The following FZD6 variants were observed in gnomAD, a reference collection of about 807,000 sequenced individuals.
FZD6 encodes frizzled-6.
Under a neutral mutation model 61.4 loss-of-function variants are expected in FZD6, and 49 were observed. The observed-to-expected ratio is 0.80, with a 90% CI of 0.63 to 1.01. FZD6 has a LOEUF of 1.01. Ranked by LOEUF, FZD6 falls within the 50% of genes least tolerant of loss-of-function variation. FZD6 has a pLI of 0.00. For missense variants in FZD6, 724 were observed against 848.2 expected (o/e 0.85, Z 1.82); for synonymous variants, 265 against 292.2 (o/e 0.91, Z 0.95).
intron 3 of FZD6, among the ~76,000 whole-genome samples, chr8:103,320,481 G>C (rs1814752979): frequency 1.3e-5 from 2 of 152,080 alleles, no homozygotes; most frequent in South Asian, 4.2e-4. Context: ...ATAATGAGAA[G>C]GGTGTTACTG....
chr8:103,306,337 C>T (rs1345875997), intron 2 of FZD6, among the ~76,000 whole-genome samples: 1 of 152,090 alleles, frequency 6.6e-6, no homozygotes, highest in Non-Finnish European at 1.5e-5. Flanking sequence ...GCAAAATTTG[C>T]ACCACTTTCC....
At position 103,331,413 on chromosome 8, in the gene FZD6, A is replaced by C. The variant is rs765694032; in HGVS notation, c.2025A>C (p.Ser675=). The C allele has an allele frequency of 1.2e-6, 2 of 1,610,178 alleles. No homozygotes were observed. The highest frequency in any genetic ancestry group is 4.5e-5 in the East Asian group (2 of 44,864). ...ACAATTTGCAGGTCCCCAGTTCTTC[A>C]GAACCAAGCAGCCTCAAAGGTTCCA... ...QSNNLQVPSS[S]EPSSLKGSTS... The change falls in exon 7 of 7, where the codon TCA becomes TCC. Residue 675 remains serine (S), a synonymous_variant. Coordinates refer to ENST00000358755, the MANE Select transcript of FZD6 (RefSeq NM_003506.4).
chr8:103,299,362 C>T (rs1375614210), intron 1 of FZD6, among the ~76,000 whole-genome samples: 2 of 152,210 alleles, frequency 1.3e-5, no homozygotes, highest in African/African-American at 4.8e-5. Context: ...GCCCTTCCCC[C>T]GGGACAGATT....
chr8:103,325,298 C>G lies in FZD6; in HGVS notation c.1192C>G (p.Gln398Glu). The stretch of plus-strand genomic sequence containing the variant: ...CATTATTTCCTTAAATCATGTTCGA[C>G]AAGTCATACAACATGATGGCCGGAA... ...AGIISLNHVR[Q>E]VIQHDGRNQE... Residue 398 changes from glutamine (Q) to glutamate (E), a missense_variant, in exon 4 of 7, where the codon CAA (glutamine) becomes GAA (glutamate). Coordinates refer to ENST00000358755, the MANE Select transcript of FZD6 (RefSeq NM_003506.4). 2.5e-6 allele frequency: 4 copies of G among 1,613,830 alleles called. No homozygotes were observed. Among genetic ancestry groups the G allele is most frequent in the Non-Finnish European group, 3.4e-6 (4 of 1,179,754 alleles).
chr8:103,315,101 A>AC (rs1237725322), intron 2 of FZD6, among the ~76,000 whole-genome samples: 1 of 151,892 alleles, frequency 6.6e-6, no homozygotes, highest in African/African-American at 2.4e-5. Context: ...TTACCTTTAA[A>AC]CCTTTTCTTT....
At chr8:103,308,434 T>A (rs1814402081) in intron 2 of FZD6, among the ~76,000 whole-genome samples, 1 of 152,124 alleles carries the variant, frequency 6.6e-6, no homozygotes, top group Non-Finnish European at 1.5e-5. Flanking sequence ...CAATATAACT[T>A]CTTACCTGAG....
chr8:103,330,631 G>A (rs934963546), intron 6 of FZD6, among the ~76,000 whole-genome samples: 2 of 151,952 alleles, frequency 1.3e-5, no homozygotes, highest in African/African-American at 2.4e-5. Flanking sequence ...TCATATATTT[G>A]GATTGTAATT....
At chr8:103,305,678 C>T (rs1307641059) in intron 2 of FZD6, among the ~76,000 whole-genome samples, 1 of 152,180 alleles carries the variant, frequency 6.6e-6, no homozygotes, top group African/African-American at 2.4e-5. Context: ...AGAAGTGTTC[C>T]AAGCCAGTTG....
At chr8:103,301,876 T>C (rs1308934257) in intron 2 of FZD6, among the ~76,000 whole-genome samples, 2 of 152,224 alleles carry the variant, frequency 1.3e-5, no homozygotes, top group Non-Finnish European at 2.9e-5. Context: ...AAAAATTACT[T>C]TTTAATTTAC....
intron 2 of FZD6, among the ~76,000 whole-genome samples, chr8:103,306,683 TTTTAG>T (rs1218324561): frequency 2.6e-5 from 4 of 151,794 alleles, no homozygotes; most frequent in African/African-American, 9.7e-5. Flanking sequence ...TTTTGTATTT[TTTTAG>T]TAGAGACGGG....
chr8:103,317,832 A>G (rs1482231102), intron 2 of FZD6, among the ~76,000 whole-genome samples: 2 of 123,028 alleles, frequency 1.6e-5, no homozygotes, highest in Non-Finnish European at 3.6e-5. Context: ...TCTCAAAAAA[A>G]AAAAAAAAAG....
intron 5 of FZD6, 70 bp from the exon 6 acceptor site, chr8:103,329,585 T>C (rs1181224065): frequency 8.7e-7 from 1 of 1,150,242 alleles, no homozygotes; most frequent in Admixed American, 2.1e-5. Flanking sequence ...ATATGTGATA[T>C]CCTTTATATC....
intron 2 of FZD6, among the ~76,000 whole-genome samples, chr8:103,301,070 TAA>T (rs899403345): frequency 3.3e-5 from 5 of 152,164 alleles, no homozygotes; most frequent in Admixed American, 2.6e-4. Flanking sequence ...AACAGAATAG[TAA>T]AGGCTTTTTT....
intron 2 of FZD6, among the ~76,000 whole-genome samples, chr8:103,301,478 GATAAT>G (rs1441302173): frequency 6.6e-6 from 1 of 152,154 alleles, no homozygotes; most frequent in Non-Finnish European, 1.5e-5. Flanking sequence ...TTTTGCTGAT[GATAAT>G]ATGTTTTGTA....
chr8:103,327,774 A>G (rs528622855), intron 4 of FZD6, among the ~76,000 whole-genome samples: 11 of 152,250 alleles, frequency 7.2e-5, no homozygotes, highest in Non-Finnish European at 1.2e-4. Flanking sequence ...AATAAAAAGT[A>G]TAATTTCAAT....
In FZD6 at chr8:103,324,658, A is replaced by G; in HGVS notation, c.552A>G (p.Pro184=). ...KFLGIDQCAP[P]CPNMYFKSDE... The stretch of plus-strand genomic sequence containing the variant: ...TGGGAATTGACCAGTGTGCGCCTCC[A>G]TGCCCCAACATGTATTTTAAAAGTG... The change falls in exon 4 of 7, where the codon CCA becomes CCG. Residue 184 remains proline (P), a synonymous_variant. Coordinates refer to ENST00000358755, the MANE Select transcript of FZD6 (RefSeq NM_003506.4). 1 of 1,614,152 alleles carries G rather than the reference A, an allele frequency of 6.2e-7. No homozygotes were observed. Among genetic ancestry groups the G allele is most frequent in the Non-Finnish European group, 8.5e-7 (1 of 1,179,972 alleles).
intron 4 of FZD6, among the ~76,000 whole-genome samples, chr8:103,326,246 C>A (rs1319942682): frequency 6.6e-6 from 1 of 152,122 alleles, no homozygotes; most frequent in Non-Finnish European, 1.5e-5. Flanking sequence ...CAAACTATTT[C>A]ATATAATAGC....
intron 2 of FZD6, among the ~76,000 whole-genome samples, chr8:103,310,764 C>T (rs1434247318): frequency 6.6e-6 from 1 of 152,178 alleles, no homozygotes; most frequent in African/African-American, 2.4e-5. Context: ...GCATATCATT[C>T]TATTATGTAC....
Position 103,318,638 on chromosome 8 carries a change from T to C in FZD6, c.226T>C (p.Phe76Leu). Reference sequence around the variant, plus strand: ...GGAATGTTCACCAAACATTGAAACTTTCCTCTGCAAAGCATTTGTACCAAC... The same window carrying C: ...GGAATGTTCACCAAACATTGAAACTCTCCTCTGCAAAGCATTTGTACCAAC... ...NLECSPNIET[F>L]LCKAFVPTCI... is the part of the protein sequence containing the mutation. The change falls in exon 3 of 7, where the codon TTC (phenylalanine) becomes CTC (leucine). Residue 76 changes from phenylalanine (F) to leucine (L), a missense_variant. By Grantham distance (22) the Phe-to-Leu change is conservative (BLOSUM62 0). Transcript: ENST00000358755. 6.2e-7 allele frequency: 1 copy of C among 1,611,948 alleles called. No individual in the cohort carries two copies. The highest frequency in any genetic ancestry group is 8.5e-7 in the Non-Finnish European group (1 of 1,178,012).
Sources: gnomAD v4.1 joint callset for allele counts (sites outside exome capture counted in the v4.1 genomes callset) on GRCh38, gnomAD v4.1.1 for gene constraint, MANE v1.5 for transcripts, NCBI Gene and HGNC (gene_info 2026-07-23, HGNC 2026-07-21) for gene names.